PCDHGB1: variants seen among roughly 807,000 people sequenced by gnomAD.
PCDHGB1 encodes the protein protocadherin gamma subfamily B, 1, also known as protocadherin gamma-B1.
In PCDHGB1, 34 loss-of-function variants were observed where a neutral mutation model predicts 56.6. That is an observed-to-expected ratio of 0.60 (90% CI 0.46 to 0.80). The LOEUF is 0.80. Among genes scored for constraint, PCDHGB1 ranks in the 30% least tolerant of loss-of-function variants. The probability of loss-of-function intolerance (pLI) is 0.00; values close to 1 mark genes in which losing one functional copy is unlikely to be tolerated. For missense variants in PCDHGB1, 1,278 were observed against 1,204.6 expected, an observed-to-expected ratio of 1.06 and a Z score of -0.90; for synonymous variants, 561 against 505.9, an observed-to-expected ratio of 1.11 and a Z score of -1.46.
intron 2 of PCDHGB1, among the ~76,000 whole-genome samples, chr5:141,499,689 CTTTTT>C (rs545067566): frequency 3.3e-5 from 4 of 119,852 alleles, no homozygotes; most frequent in Non-Finnish European, 3.5e-5. Flanking sequence ...TAACAGATGA[CTTTTT>C]TTTTTTTTTT....
intron 1 of PCDHGB1, chr5:141,403,951 G>C: frequency 6.2e-7 from 1 of 1,613,882 alleles, no homozygotes. Flanking sequence ...GGACAAAAGT[G>C]CTCATTTCGG....
rs1419016534 is a variant in PCDHGB1, at chr5:141,355,792, C to A, written c.2409+3123C>A. On this transcript the variant is annotated intron_variant, in intron 1 of 3. Coordinates refer to ENST00000523390, the MANE Select transcript of PCDHGB1 (RefSeq NM_018922.3). Reference sequence around the variant, plus strand: ...TAAGTACCCAGAGCTGGTGCTGGAACGCGCTCTAGATCGCGAGGAAGAGGC... The same window carrying A: ...TAAGTACCCAGAGCTGGTGCTGGAAAGCGCTCTAGATCGCGAGGAAGAGGC... 8.1e-6 allele frequency: 13 copies of A among 1,613,562 alleles called. No individual in the cohort carries two copies. The South Asian group carries it at 1.3e-4, about 16-fold the overall frequency.
At chr5:141,383,222 T>C in intron 1 of PCDHGB1, 1 of 1,613,962 alleles carries the variant, frequency 6.2e-7, no homozygotes, top group Non-Finnish European at 8.5e-7. Context: ...AACTTTAACA[T>C]CCTGATGGAA....
chr5:141,460,959 A>G (rs892536901), intron 1 of PCDHGB1, among the ~76,000 whole-genome samples: 2 of 126,082 alleles, frequency 1.6e-5, no homozygotes, highest in African/African-American at 7.1e-5. Context: ...ATGTATATAT[A>G]TATGTGTGTG....
chr5:141,474,986 A>G (rs1328341214), intron 1 of PCDHGB1, among the ~76,000 whole-genome samples: 1 of 152,238 alleles, frequency 6.6e-6, no homozygotes, highest in Non-Finnish European at 1.5e-5. Context: ...GTTTGGTGAC[A>G]ACAATTCTAA....
intron 1 of PCDHGB1, chr5:141,403,051 C>T (rs1273209859): frequency 3.7e-6 from 6 of 1,614,086 alleles, no homozygotes; most frequent in Admixed American, 1.7e-5. Context: ...AGATTCGCTA[C>T]TCAGTGCCTG....
chr5:141,439,150 G>A (rs971023726), intron 1 of PCDHGB1, among the ~76,000 whole-genome samples: 7 of 149,122 alleles, frequency 4.7e-5, no homozygotes, highest in South Asian at 2.1e-4. Flanking sequence ...CTGAGATCAC[G>A]CCACTGCACT....
chr5:141,442,047 G>A (rs186626119), intron 1 of PCDHGB1: 64 of 202,912 alleles, frequency 3.2e-4, no homozygotes, highest in Admixed American at 9.3e-4. Context: ...GCGCCTACTG[G>A]TCGCGGTGCA....
chr5:141,372,040 G>T, intron 1 of PCDHGB1: 1 of 1,613,472 alleles, frequency 6.2e-7, no homozygotes, highest in Non-Finnish European at 8.5e-7. Flanking sequence ...GTGAGCCTGC[G>T]CGTGTTGGTG....
At chr5:141,507,786 G>A (rs536470814) in intron 3 of PCDHGB1, among the ~76,000 whole-genome samples, 3 of 152,292 alleles carry the variant, frequency 2.0e-5, no homozygotes, top group East Asian at 1.9e-4. Context: ...CCTGACCCTC[G>A]TCTAAGCCTG....
At chr5:141,446,102 A>C (rs751362645) in intron 1 of PCDHGB1, among the ~76,000 whole-genome samples, 1 of 152,214 alleles carries the variant, frequency 6.6e-6, no homozygotes, top group Non-Finnish European at 1.5e-5. Context: ...TGAATTATAG[A>C]TATATTTAGG....
intron 1 of PCDHGB1, chr5:141,389,933 G>T: frequency 1.9e-6 from 3 of 1,614,068 alleles, no homozygotes; most frequent in Non-Finnish European, 2.5e-6. Context: ...CTGACCTCCA[G>T]GCTGAGCTGC....
In PCDHGB1 at chr5:141,415,024, G is replaced by A. The variant is rs1272655664; in HGVS notation, c.2409+62355G>A. On this transcript the variant is annotated intron_variant, in intron 1 of 3. Coordinates refer to ENST00000523390, the MANE Select transcript of PCDHGB1 (RefSeq NM_018922.3). ...GTCCTACCGTCTGCTCAAGGCCAGC[G>A]AGCCGGGACTCTTCGCGGTGGGGGA... 4.3e-6 allele frequency: 7 copies of A among 1,613,450 alleles called. 1 individual carries two copies. The highest frequency in any genetic ancestry group is 3.3e-5 in the Admixed American group (2 of 60,002).
intron 1 of PCDHGB1, chr5:141,371,246 T>G: frequency 6.2e-7 from 1 of 1,614,006 alleles, no homozygotes; most frequent in South Asian, 1.1e-5. Flanking sequence ...TCATCAATAT[T>G]GGCAAGGAAG....
In PCDHGB1 at chr5:141,403,600, T is replaced by C. The variant is rs530169293; in HGVS notation, c.2409+50931T>C. 72 of 1,613,786 alleles carry C rather than the reference T, an allele frequency of 4.5e-5. 1 individual carries two copies. The East Asian group carries it at 1.6e-3, about 35-fold the overall frequency. On this transcript the variant is annotated intron_variant, in intron 1 of 3. Coordinates refer to ENST00000523390, the MANE Select transcript of PCDHGB1 (RefSeq NM_018922.3). ...ACCACCTGGTCCTCACGGCCTCGGATGGCGGCGAGCCGCGTCGCTCCAGCA... is the reference window on the plus strand; with the variant it reads ...ACCACCTGGTCCTCACGGCCTCGGACGGCGGCGAGCCGCGTCGCTCCAGCA...
At chr5:141,377,212 G>A (rs1390877095) in intron 1 of PCDHGB1, 4 of 151,992 alleles carry the variant, frequency 2.6e-5, no homozygotes, top group African/African-American at 4.8e-5. Context: ...AGTACATCTC[G>A]TTTCTTAGGT....
At chr5:141,479,476 G>A (rs1481785254) in intron 1 of PCDHGB1, 1 of 152,250 alleles carries the variant, frequency 6.6e-6, no homozygotes, top group African/African-American at 2.4e-5. Context: ...CCTCTTGGGA[G>A]GGCAGGACCA....
intron 1 of PCDHGB1, chr5:141,413,345 G>A (rs2095628318): frequency 8.7e-6 from 14 of 1,613,996 alleles, no homozygotes; most frequent in Non-Finnish European, 1.0e-5. Flanking sequence ...AAGGACTTGG[G>A]TCTGGCGCCC....
chr5:141,447,775 AT>A (rs1463090729), intron 1 of PCDHGB1, among the ~76,000 whole-genome samples: 2 of 152,212 alleles, frequency 1.3e-5, no homozygotes, highest in Non-Finnish European at 2.9e-5. Flanking sequence ...TTATACTTTA[AT>A]TGAAAATAAA....
Sources: allele counts gnomAD v4.1 joint callset (sites outside exome capture counted in the v4.1 genomes callset), GRCh38; gene constraint gnomAD v4.1.1; transcripts MANE v1.5; gene names NCBI Gene and HGNC (gene_info 2026-07-23, HGNC 2026-07-21).